COL19A1: variants seen among roughly 807,000 people sequenced by gnomAD.
The protein encoded by COL19A1 is collagen type XIX alpha 1 chain.
In COL19A1, 159 loss-of-function variants were observed where a neutral mutation model predicts 190.2. The ratio of observed to expected loss-of-function variants is 0.84; its 90% CI spans 0.73 to 0.95. The LOEUF (loss-of-function observed/expected upper bound fraction) is 0.95, where lower values mean the gene tolerates loss of function less well. COL19A1 is among the 40% of genes least tolerant of loss of function. COL19A1 has a pLI of 0.00. For missense variants in COL19A1, 1,418 were observed against 1,431.9 expected, an observed-to-expected ratio of 0.99 and a Z score of 0.16; for synonymous variants, 509 against 458.9, an observed-to-expected ratio of 1.11 and a Z score of -1.39.
chr6:69,949,272 G>C (rs1582495291), intron 9 of COL19A1, among the ~76,000 whole-genome samples: 2 of 151,888 alleles, frequency 1.3e-5, no homozygotes, highest in South Asian at 4.1e-4. Flanking sequence ...GAAGCACTGA[G>C]TCTTTGACCA....
chr6:69,998,125 A>C (rs944259080), intron 11 of COL19A1, among the ~76,000 whole-genome samples: 1 of 152,190 alleles, frequency 6.6e-6, no homozygotes, highest in African/African-American at 2.4e-5. Context: ...TCTTCAATGA[A>C]ACTATCAAAG....
In COL19A1 at chr6:70,208,892, A is replaced by G. The variant is rs1768037170; in HGVS notation, c.*1618A>G. On this transcript the variant is annotated 3_prime_UTR_variant, in exon 51 of 51. Coordinates refer to ENST00000620364, the MANE Select transcript of COL19A1 (RefSeq NM_001858.6). ...ACCGGTTTTCATTATAGATTAATGA[A>G]CTGCTGGTCAGGTACTGTCTACAAT... The G allele has an allele frequency of 6.6e-6, 1 of 152,608 alleles. No homozygotes were observed. The highest frequency in any genetic ancestry group is 6.5e-5 in the Admixed American group (1 of 15,276). 9.5% of individuals were successfully genotyped at this position (152,608 alleles called of 1,614,324 possible). A position where few individuals can be genotyped will look rare whatever the true frequency, so the allele number is the denominator to read the frequency against.
At chr6:70,132,673 A>AC (rs1785596865) in intron 18 of COL19A1, among the ~76,000 whole-genome samples, 1 of 152,122 alleles carries the variant, frequency 6.6e-6, no homozygotes, top group Non-Finnish European at 1.5e-5. Flanking sequence ...AAATACCCAC[A>AC]CTCAGGCTCC....
chr6:70,092,619 G>A (rs999732544), intron 15 of COL19A1, among the ~76,000 whole-genome samples: 10 of 151,962 alleles, frequency 6.6e-5, no homozygotes, highest in African/African-American at 2.4e-4. Flanking sequence ...TTCAAAATTG[G>A]GTGACCTTTA....
Position 69,868,118 on chromosome 6 carries a change from C to T in COL19A1, c.-33+1478C>T, listed in dbSNP as rs887787209. 2.0e-5 allele frequency among the ~76,000 whole-genome samples: 3 copies of T among 151,618 alleles called. No homozygotes were observed. The South Asian group carries it at 6.3e-4, about 32-fold the overall frequency. ...ACCAGTATCTATTTTCAACCACCACCCCTCCCCAAAAAGGAGAGAACACCA... is the reference window on the plus strand; with the variant it reads ...ACCAGTATCTATTTTCAACCACCACTCCTCCCCAAAAAGGAGAGAACACCA... On this transcript the variant is annotated intron_variant, in intron 1 of 50. Transcript: ENST00000620364.
At chr6:70,142,890 A>G (rs2150236221) in intron 23 of COL19A1, 70 bp downstream of exon 23, 2 of 1,408,998 alleles carry the variant, frequency 1.4e-6, no homozygotes, top group South Asian at 1.2e-5. Context: ...AAACATCAAC[A>G]TGTGTTCAAG....
In COL19A1 at chr6:70,165,928, A is replaced by G. The variant is rs1481258237; in HGVS notation, c.2401-13A>G. 1.2e-6 allele frequency: 2 copies of G among 1,613,486 alleles called. No homozygotes were observed. Among genetic ancestry groups the G allele is most frequent in the Non-Finnish European group, 8.5e-7 (1 of 1,179,550 alleles). On this transcript the variant is annotated splice_polypyrimidine_tract_variant and intron_variant, in intron 36 of 50. Coordinates refer to ENST00000620364, the MANE Select transcript of COL19A1 (RefSeq NM_001858.6). ...ACGTCTACGCCGCTGATATGTCTATATATCCCTTGCAGGGCAGCGACGGAC... is the reference window on the plus strand; with the variant it reads ...ACGTCTACGCCGCTGATATGTCTATGTATCCCTTGCAGGGCAGCGACGGAC...
At chr6:70,025,877 A>G (rs1197486995) in intron 12 of COL19A1, among the ~76,000 whole-genome samples, 2 of 152,258 alleles carry the variant, frequency 1.3e-5, no homozygotes, top group Non-Finnish European at 2.9e-5. Context: ...GAGGTAAAAT[A>G]CATATGATTT....
intron 1 of COL19A1, among the ~76,000 whole-genome samples, chr6:69,871,095 C>A (rs1767795555): frequency 6.6e-6 from 1 of 152,168 alleles, no homozygotes; most frequent in Non-Finnish European, 1.5e-5. Flanking sequence ...TTTAATTACT[C>A]CAGCCACTGA....
At chr6:69,891,706 A>G (rs533915418) in intron 2 of COL19A1, among the ~76,000 whole-genome samples, 16 of 152,296 alleles carry the variant, frequency 1.1e-4, no homozygotes, top group African/African-American at 3.6e-4. Context: ...ACTCTCACCT[A>G]TGCCTCTATC....
intron 16 of COL19A1, among the ~76,000 whole-genome samples, chr6:70,113,773 C>T (rs1784405889): frequency 6.6e-6 from 1 of 151,080 alleles, no homozygotes; most frequent in African/African-American, 2.4e-5. Context: ...TGTTGTTCCT[C>T]TCTCTTATCC....
chr6:70,167,974 T>C (rs543156454), intron 37 of COL19A1, 51 bp from the exon 38 acceptor site: 3 of 1,319,648 alleles, frequency 2.3e-6, no homozygotes, highest in African/African-American at 1.5e-5. Flanking sequence ...AATGTAGAGA[T>C]GCAAAGTATT....
intron 40 of COL19A1, among the ~76,000 whole-genome samples, chr6:70,170,352 A>G (rs1765423659): frequency 6.6e-6 from 1 of 152,146 alleles, no homozygotes; most frequent in African/African-American, 2.4e-5. Context: ...AAACTTGAGA[A>G]GTCTTTTTGA....
At chr6:69,986,598 C>T (rs150253818) in intron 11 of COL19A1, among the ~76,000 whole-genome samples, 4 of 152,250 alleles carry the variant, frequency 2.6e-5, no homozygotes, top group African/African-American at 7.2e-5. Flanking sequence ...ATGTGCAAAC[C>T]TATACACATA....
At chr6:70,171,836 T>C in intron 40 of COL19A1, 128 bp from the exon 41 acceptor site, 1 of 735,732 alleles carries the variant, frequency 1.4e-6, no homozygotes, top group Non-Finnish European at 2.4e-6. Context: ...GGGCATATCA[T>C]TTCCTTGCTA....
chr6:70,194,090 ATGCTATCTC>A (rs1263301554), intron 48 of COL19A1, among the ~76,000 whole-genome samples: 13 of 152,190 alleles, frequency 8.5e-5, no homozygotes, highest in Non-Finnish European at 1.5e-4. Context: ...ATAACAGCTA[ATGCTATCTC>A]TGCTGCACGC....
intron 4 of COL19A1, among the ~76,000 whole-genome samples, chr6:69,923,467 T>G (rs1772135369): frequency 6.6e-6 from 1 of 152,214 alleles, no homozygotes; most frequent in South Asian, 2.1e-4. Context: ...CAATTCTTAG[T>G]TGGTCTTTAT....
At chr6:70,072,994 T>C (rs1781649957) in intron 15 of COL19A1, among the ~76,000 whole-genome samples, 1 of 131,252 alleles carries the variant, frequency 7.6e-6, no homozygotes, top group Non-Finnish European at 1.7e-5. Flanking sequence ...TTTATTTATT[T>C]ATTTATTATT....
rs138635365 is a variant in COL19A1 at position 70,052,218 on chromosome 6, C to T, written c.1171-16205C>T. On this transcript the variant is annotated intron_variant, in intron 14 of 50. Coordinates refer to ENST00000620364, the MANE Select transcript of COL19A1 (RefSeq NM_001858.6). ...GTCTTTATCTTTTTTTATTTAGGAC[C>T]ATGTCAAGGAATAAGAATATCCAGC... is the stretch of plus-strand genomic sequence containing the variant. 3.2e-3 allele frequency among the ~76,000 whole-genome samples: 485 copies of T among 152,086 alleles called. 5 individuals carry two copies. Among genetic ancestry groups the T allele is most frequent in the African/African-American group, 0.011 (446 of 41,494 alleles).
Sources: allele counts gnomAD v4.1 joint callset (sites outside exome capture counted in the v4.1 genomes callset), GRCh38; gene constraint gnomAD v4.1.1; transcripts MANE v1.5; gene names NCBI Gene and HGNC (gene_info 2026-07-23, HGNC 2026-07-21).